The following TMPRSS6 variants were observed in gnomAD, a reference collection of about 807,000 sequenced individuals.
The protein encoded by TMPRSS6 is transmembrane protease serine 6.
In TMPRSS6, 67 loss-of-function variants were observed where a neutral mutation model predicts 101.5. That is an observed-to-expected ratio of 0.66 (90% CI 0.54 to 0.81). The LOEUF is 0.81. Ranked by LOEUF, TMPRSS6 falls within the 30% of genes least tolerant of loss-of-function variation. The probability of loss-of-function intolerance (pLI) is 0.00; values close to 1 mark genes in which losing one functional copy is unlikely to be tolerated. For missense variants in TMPRSS6, 1,034 were observed against 1,088.7 expected (o/e 0.95, Z 0.71); for synonymous variants, 453 against 464.9 (o/e 0.97, Z 0.33).
chr22:37,085,923 G>A (rs1352046439), intron 8 of TMPRSS6, among the ~76,000 whole-genome samples: 1 of 152,070 alleles, frequency 6.6e-6, no homozygotes, highest in Admixed American at 6.5e-5. Context: ...GGGGTGAGGG[G>A]CAGAGGGGAG....
chr22:37,092,770 A>G (rs1439156459), intron 6 of TMPRSS6, among the ~76,000 whole-genome samples: 1 of 152,242 alleles, frequency 6.6e-6, no homozygotes, highest in Non-Finnish European at 1.5e-5. Flanking sequence ...TGCTGGGATT[A>G]CAGGCTTGTG....
At chr22:37,108,040 G>C (rs1930822065) in intron 1 of TMPRSS6, among the ~76,000 whole-genome samples, 1 of 152,142 alleles carries the variant, frequency 6.6e-6, no homozygotes, top group African/African-American at 2.4e-5. Flanking sequence ...GTGCATATGT[G>C]GCCTGGCCAA....
At chr22:37,091,678 G>C (rs571019966) in intron 6 of TMPRSS6, among the ~76,000 whole-genome samples, 1 of 152,308 alleles carries the variant, frequency 6.6e-6, no homozygotes, top group Non-Finnish European at 1.5e-5. Context: ...ACTTACTATT[G>C]GTTGCAGATT....
Position 37,089,678 on chromosome 22 carries a change from G to A in TMPRSS6, c.736C>T (p.Leu246Phe), listed in dbSNP as rs747985881. The A allele has an allele frequency of 6.2e-6, 10 of 1,612,550 alleles. No homozygotes were observed. Among genetic ancestry groups the A allele is most frequent in the Non-Finnish European group, 8.5e-6 (10 of 1,179,402 alleles). The change falls in exon 7 of 18, where the codon CTC becomes TTC. Residue 246 changes from leucine to phenylalanine, a missense_variant. Physicochemically the swap from Leu to Phe is conservative, Grantham distance 22. Coordinates refer to ENST00000676104, the MANE Select transcript of TMPRSS6 (RefSeq NM_001374504.1). Reference protein sequence around the residue: ...CLWHLQGPKDLMLKLRLEWTL... With the variant: ...CLWHLQGPKDFMLKLRLEWTL... ...CACTCCAGCCGGAGTTTGAGCATGA[G>A]GTCCTTGGGGCCCTGCAGGTGCCAC...
Position 37,070,617 on chromosome 22 carries a change from C to T in TMPRSS6, c.1708G>A (p.Gly570Ser). 1 of 1,613,230 alleles carries T rather than the reference C, an allele frequency of 6.2e-7. No individual in the cohort carries two copies. ...GLQGPSSRIVGGAVSSEGEWP... is the reference protein window; with the variant it reads ...GLQGPSSRIVSGAVSSEGEWP... The stretch of plus-strand genomic sequence containing the variant: ...TCACCCTCGGAGGACACAGCTCCAC[C>T]AACAATGCGGCTGGAGGGGCCCTGG... Residue 570 changes from glycine (G) to serine (S), a missense_variant, in exon 15 of 18, where the codon GGT becomes AGT. Coordinates refer to ENST00000676104, the MANE Select transcript of TMPRSS6 (RefSeq NM_001374504.1).
chr22:37,106,844 C>A (rs556873811), intron 1 of TMPRSS6, among the ~76,000 whole-genome samples: 3 of 152,222 alleles, frequency 2.0e-5, no homozygotes, highest in African/African-American at 7.2e-5. Context: ...CTGAGTCCCC[C>A]TGCCTGGACT....
chr22:37,070,044 A>G (rs1926741554), intron 15 of TMPRSS6, among the ~76,000 whole-genome samples: 1 of 152,092 alleles, frequency 6.6e-6, no homozygotes, highest in African/African-American at 2.4e-5. Context: ...CAGATGGGAA[A>G]GATGGCCATG....
intron 7 of TMPRSS6, among the ~76,000 whole-genome samples, chr22:37,086,846 G>A (rs750378862): frequency 1.2e-4 from 18 of 152,312 alleles, no homozygotes; most frequent in Middle Eastern, 3.4e-3. Context: ...TGTGCTCAAG[G>A]ATAGGCAGGG....
chr22:37,069,064 G>A lies in TMPRSS6; in HGVS notation c.2113+9C>T, dbSNP rs918219462. 15 of 1,538,192 alleles carry A rather than the reference G, an allele frequency of 9.8e-6. No homozygotes were observed. In the Admixed American group the frequency reaches 1.6e-4, roughly 16 times the overall value. On this transcript the variant is annotated intron_variant, in intron 16 of 17. Coordinates refer to ENST00000676104, the MANE Select transcript of TMPRSS6 (RefSeq NM_001374504.1). The surrounding 1 kb of genome is among the most constrained non-coding windows in gnomAD (Gnocchi z 4.8). The stretch of plus-strand genomic sequence containing the variant: ...CCTCCGCCTCCCGCCGCAAGTCCCC[G>A]CTGCTCACCGCCCTCGCGCAAGGCG...
Position 37,101,464 on chromosome 22 carries a change from G to T in TMPRSS6, c.202+1752C>A, listed in dbSNP as rs1229644533. Among the ~76,000 whole-genome samples, 1 of 152,106 alleles carries T rather than the reference G, an allele frequency of 6.6e-6. No individual in the cohort carries two copies. The highest frequency in any genetic ancestry group is 1.5e-5 in the Non-Finnish European group (1 of 67,996). On this transcript the variant is annotated intron_variant, in intron 2 of 17. Transcript: ENST00000676104. This position sits in a 1 kb window ranked among gnomAD's most constrained non-coding sequence, Gnocchi z 4.1. ...GGCCAGGCTGTCCTCCTCGCTTGGG[G>T]CCTGTCCTGCTCCAGTGTCACTGGT... is the stretch of plus-strand genomic sequence containing the variant.
At chr22:37,104,878 T>C (rs1036112148) in intron 1 of TMPRSS6, among the ~76,000 whole-genome samples, 34 of 152,008 alleles carry the variant, frequency 2.2e-4, no homozygotes, top group African/African-American at 7.2e-4. Flanking sequence ...GGAGAATCAC[T>C]TGAACCTGGT....
intron 6 of TMPRSS6, among the ~76,000 whole-genome samples, chr22:37,090,503 C>A (rs1929168901): frequency 6.6e-6 from 1 of 152,144 alleles, no homozygotes; most frequent in Admixed American, 6.5e-5. Flanking sequence ...GAGCTTTGAG[C>A]TAATGATGGT....
chr22:37,078,201 T>G (rs1179897976), intron 10 of TMPRSS6, among the ~76,000 whole-genome samples: 1 of 151,988 alleles, frequency 6.6e-6, no homozygotes, highest in Non-Finnish European at 1.5e-5. Flanking sequence ...ACAGGGAGAT[T>G]GTGGGGAGAC....
chr22:37,074,434 G>A (rs1927424656), intron 12 of TMPRSS6, among the ~76,000 whole-genome samples, 176 bp downstream of exon 12: 1 of 152,210 alleles, frequency 6.6e-6, no homozygotes, highest in African/African-American at 2.4e-5. Flanking sequence ...CGGGGAGGCT[G>A]CATTGCTGGT....
rs1926657497 is a variant in TMPRSS6, at chr22:37,069,293, G to A, written c.1893C>T (p.Asn631=). 6.6e-7 allele frequency: 1 copy of A among 1,525,094 alleles called. No homozygotes were observed. The highest frequency in any genetic ancestry group is 1.4e-5 in the African/African-American group (1 of 71,124). The allele number at this position is 1,525,094 out of a possible 1,614,324, so 94.5% of individuals were successfully genotyped here. ...WTVFLGKVWQ[N]SRWPGEVSFK... is the part of the protein sequence containing the mutation. ...AGGACACCTCTCCAGGCCAGCGCGA[G>A]TTCTGCCACACCTTGCCCAGGAACA... Residue 631 remains asparagine (N), a synonymous_variant, in exon 16 of 18, where the codon AAC becomes AAT. Transcript: ENST00000676104. This position sits in a 1 kb window ranked among gnomAD's most constrained non-coding sequence, Gnocchi z 4.8.
At chr22:37,102,395 C>CTACAGTG (rs1930396916) in intron 2 of TMPRSS6, among the ~76,000 whole-genome samples, 1 of 152,230 alleles carries the variant, frequency 6.6e-6, no homozygotes. Context: ...AATGGGCCTT[C>CTACAGTG]TACAGTGTAC....
At chr22:37,098,284 G>A (rs1164672889) in intron 3 of TMPRSS6, 132 bp downstream of exon 3, 2 of 1,353,522 alleles carry the variant, frequency 1.5e-6, no homozygotes, top group African/African-American at 2.9e-5. Flanking sequence ...TGCTTCCATG[G>A]TGCCTGGAGC....
rs779073321 is a variant in TMPRSS6, at chr22:37,096,000, C to A, written c.495G>T (p.Leu165=). 14 of 1,614,116 alleles carry A rather than the reference C, an allele frequency of 8.7e-6. No homozygotes were observed. Among genetic ancestry groups the A allele is most frequent in the Non-Finnish European group, 1.0e-5 (12 of 1,180,048 alleles). ...LMLSPEVVQA[L]LVEELLSTVN... ...CTGTGGACAGCAGCTCCTCCACCAG[C>A]AGTGCCTGCACCACCTCGGGGCTCA... The change falls in exon 5 of 18, where the codon CTG becomes CTT. Residue 165 remains leucine (L), a synonymous_variant. Transcript: ENST00000676104.
At position 37,084,492 on chromosome 22, in the gene TMPRSS6, ACAGAATCC is replaced by A. The variant is rs1438561937; in HGVS notation, c.1087-96_1087-89del. ...TCCCTAACAACAAAGAGAAGGAAAC[ACAGAATCC>A]CAGGTGGGGCTAAAGTCTGTCAGTC... On this transcript the variant is annotated intron_variant, in intron 9 of 17. Transcript: ENST00000676104. The A allele has an allele frequency of 2.9e-6, 3 of 1,024,978 alleles. No homozygotes were observed. The African/African-American group carries it at 4.8e-5, about 16-fold the overall frequency. 63.5% of individuals were successfully genotyped at this position (1,024,978 alleles called of 1,614,324 possible).
Sources: allele counts gnomAD v4.1 joint callset (sites outside exome capture counted in the v4.1 genomes callset), GRCh38; gene constraint gnomAD v4.1.1; non-coding constraint Gnocchi (gnomAD v3.1); transcripts MANE v1.5; gene names NCBI Gene and HGNC (gene_info 2026-07-23, HGNC 2026-07-21).